The following TBX20 variants were observed in gnomAD, a reference collection of about 807,000 sequenced individuals.
TBX20 encodes T-box transcription factor TBX20.
In TBX20, 8 loss-of-function variants were observed where a neutral mutation model predicts 42.9. The ratio of observed to expected loss-of-function variants is 0.19; its 90% CI spans 0.11 to 0.34. The LOEUF is 0.34. Ranked by LOEUF, TBX20 falls within the 10% of genes least tolerant of loss-of-function variation. The pLI is 1.00. For missense variants in TBX20, 411 were observed against 566.0 expected, an observed-to-expected ratio of 0.73 and a Z score of 2.78; for synonymous variants, 198 against 222.8, an observed-to-expected ratio of 0.89 and a Z score of 0.99.
chr7:35,205,393 G>A (rs892924299), intron 6 of TBX20, among the ~76,000 whole-genome samples: 5 of 150,082 alleles, frequency 3.3e-5, no homozygotes, highest in East Asian at 1.9e-4. Context: ...CAATTTGTTC[G>A]CCAAAAGTGC....
intron 6 of TBX20, among the ~76,000 whole-genome samples, chr7:35,222,478 T>C (rs924122844): frequency 2.0e-5 from 3 of 152,126 alleles, no homozygotes; most frequent in Non-Finnish European, 4.4e-5. Context: ...AGTTTTTCTG[T>C]TGAAAAATAA....
chr7:35,214,013 G>A (rs551535490), intron 6 of TBX20, among the ~76,000 whole-genome samples: 1 of 151,810 alleles, frequency 6.6e-6, no homozygotes, highest in Non-Finnish European at 1.5e-5. Flanking sequence ...ATAGTGCTAT[G>A]GAAAATAAAA....
At chr7:35,202,887 A>G in intron 7 of TBX20, 117 bp from the exon 8 acceptor site, 8 of 1,528,656 alleles carry the variant, frequency 5.2e-6, no homozygotes, top group Non-Finnish European at 7.1e-6. Context: ...TGTAATTTAG[A>G]AAGACAAACA....
intron 5 of TBX20, among the ~76,000 whole-genome samples, chr7:35,234,499 T>A (rs1227198633): frequency 5.3e-5 from 8 of 152,240 alleles, no homozygotes; most frequent in African/African-American, 9.6e-5. Context: ...AGTTTTCAAA[T>A]GTCTTCGAAT....
chr7:35,213,837 G>A (rs1316111349), intron 6 of TBX20, among the ~76,000 whole-genome samples: 1 of 120,630 alleles, frequency 8.3e-6, no homozygotes, highest in East Asian at 2.8e-4. Flanking sequence ...TGACAAAGAA[G>A]TATTGAGTCA....
At chr7:35,236,884 TG>T (rs1207465175) in intron 5 of TBX20, among the ~76,000 whole-genome samples, 1 of 151,956 alleles carries the variant, frequency 6.6e-6, no homozygotes, top group Non-Finnish European at 1.5e-5. Context: ...AAAGAATAGC[TG>T]GGCACTGATG....
chr7:35,246,186 C>A (rs1016178477), intron 3 of TBX20, among the ~76,000 whole-genome samples: 1 of 152,158 alleles, frequency 6.6e-6, no homozygotes, highest in African/African-American at 2.4e-5. Context: ...ACAAAGCCCA[C>A]CAGGAGCAAT....
At chr7:35,206,323 G>A (rs1789399748) in intron 6 of TBX20, among the ~76,000 whole-genome samples, 1 of 152,226 alleles carries the variant, frequency 6.6e-6, no homozygotes, top group Non-Finnish European at 1.5e-5. Context: ...CCAGGCGGGT[G>A]GATCACCCAA....
At position 35,249,788 on chromosome 7, in the gene TBX20, G is replaced by A. The variant is rs1412562810; in HGVS notation, c.380+163C>T. ...GAGAACGCAAATGACTAGACATCCT[G>A]TAGCTCCTAATGCAAGCTGGTGGAA... On this transcript the variant is annotated intron_variant, in intron 2 of 7. Coordinates refer to ENST00000408931, the MANE Select transcript of TBX20 (RefSeq NM_001077653.2). This position sits in a 1 kb window ranked among gnomAD's most constrained non-coding sequence, Gnocchi z 4.3. Among the ~76,000 whole-genome samples the A allele has an allele frequency of 6.6e-6, 1 of 152,180 alleles. No individual in the cohort carries two copies. The highest frequency in any genetic ancestry group is 2.4e-5 in the African/African-American group (1 of 41,440).
At chr7:35,218,175 G>C (rs1005364264) in intron 6 of TBX20, among the ~76,000 whole-genome samples, 1 of 152,134 alleles carries the variant, frequency 6.6e-6, no homozygotes. Context: ...CTGGGCTTTG[G>C]TATCTTCCAT....
At chr7:35,203,424 C>T (rs1256756027) in intron 7 of TBX20, among the ~76,000 whole-genome samples, 3 of 152,002 alleles carry the variant, frequency 2.0e-5, no homozygotes, top group Non-Finnish European at 4.4e-5. Flanking sequence ...AGACCAACCC[C>T]TCCTCTTCCT....
intron 5 of TBX20, among the ~76,000 whole-genome samples, chr7:35,238,156 A>G (rs186872050): frequency 1.3e-5 from 2 of 152,326 alleles, no homozygotes; most frequent in East Asian, 3.9e-4. Flanking sequence ...CATTGAGAAG[A>G]TCAAGTATGA....
At position 35,220,567 on chromosome 7, in the gene TBX20, G is replaced by A. The variant is rs1457258046; in HGVS notation, c.890+10937C>T. Among the ~76,000 whole-genome samples the A allele has an allele frequency of 2.0e-5, 3 of 152,154 alleles. No individual in the cohort carries two copies. The East Asian group carries it at 5.8e-4, about 29-fold the overall frequency. On this transcript the variant is annotated intron_variant, in intron 6 of 7. Coordinates refer to ENST00000408931, the MANE Select transcript of TBX20 (RefSeq NM_001077653.2). ...CTAACTTAAACAGAATTTCCACATTGGTAAAATGGCAATAAATGCATTGCC... is the reference window on the plus strand; with the variant it reads ...CTAACTTAAACAGAATTTCCACATTAGTAAAATGGCAATAAATGCATTGCC...
chr7:35,233,833 A>G (rs1789912738), intron 5 of TBX20, among the ~76,000 whole-genome samples: 1 of 152,230 alleles, frequency 6.6e-6, no homozygotes, highest in South Asian at 2.1e-4. Context: ...TTCATCAGCA[A>G]ATAATGAGGA....
At chr7:35,207,247 G>T (rs1385394327) in intron 6 of TBX20, among the ~76,000 whole-genome samples, 3 of 152,058 alleles carry the variant, frequency 2.0e-5, no homozygotes, top group African/African-American at 7.2e-5. Context: ...TTTTAATTGT[G>T]TTCCCCTAAT....
intron 5 of TBX20, among the ~76,000 whole-genome samples, chr7:35,232,173 A>C (rs1789878501): frequency 1.3e-5 from 2 of 152,240 alleles, no homozygotes; most frequent in South Asian, 4.1e-4. Context: ...TGACTAAATC[A>C]GAATCAAATT....
intron 4 of TBX20, among the ~76,000 whole-genome samples, chr7:35,244,422 CAA>C (rs71975357): frequency 0.36 from 53,720 of 150,900 alleles, 9,947 homozygotes; most frequent in Admixed American, 0.46. Flanking sequence ...TGAAACTCTC[CAA>C]AAAAAAATGG....
chr7:35,216,306 G>A (rs1789588810), intron 6 of TBX20, among the ~76,000 whole-genome samples: 1 of 152,128 alleles, frequency 6.6e-6, no homozygotes, highest in Non-Finnish European at 1.5e-5. Flanking sequence ...ATGCTGCTGA[G>A]AATCACTGCC....
intron 6 of TBX20, among the ~76,000 whole-genome samples, chr7:35,229,959 A>C (rs1407119076): frequency 6.6e-6 from 1 of 152,138 alleles, no homozygotes; most frequent in Non-Finnish European, 1.5e-5. Flanking sequence ...CACCCAGGAA[A>C]AGGCAGAGGT....
Sources: allele counts gnomAD v4.1 joint callset (sites outside exome capture counted in the v4.1 genomes callset), GRCh38; gene constraint gnomAD v4.1.1; non-coding constraint Gnocchi (gnomAD v3.1); transcripts MANE v1.5; gene names NCBI Gene and HGNC (gene_info 2026-07-23, HGNC 2026-07-21).